Variants in GRM1 observed in about 807,000 individuals in gnomAD.
The protein encoded by GRM1 is glutamate metabotropic receptor 1.
In GRM1, 33 loss-of-function variants were observed where a neutral mutation model predicts 90.9. That is an observed-to-expected ratio of 0.36 (90% CI 0.28 to 0.49). GRM1 has a LOEUF of 0.49. Among genes scored for constraint, GRM1 ranks in the 20% least tolerant of loss-of-function variants. The probability of loss-of-function intolerance (pLI) is 0.99; values close to 1 mark genes in which losing one functional copy is unlikely to be tolerated. For synonymous variants in GRM1, 700 were observed against 613.2 expected (o/e 1.14, Z -2.09); for missense variants, 1,190 against 1,534.3 (o/e 0.78, Z 3.75).
chr6:146,151,824 T>G (rs1211671841), intron 1 of GRM1, among the ~76,000 whole-genome samples: 2 of 152,184 alleles, frequency 1.3e-5, no homozygotes, highest in African/African-American at 4.8e-5. Context: ...TTTAAAGTAC[T>G]TTTATGATTA....
chr6:146,039,978 AAG>A (rs1054376756), intron 1 of GRM1, among the ~76,000 whole-genome samples: 11 of 152,152 alleles, frequency 7.2e-5, no homozygotes, highest in Admixed American at 5.9e-4. Context: ...CCGATCTGGA[AAG>A]AGAGTTATAT....
chr6:146,165,604 C>G (rs1777877864), intron 2 of GRM1, among the ~76,000 whole-genome samples: 1 of 152,086 alleles, frequency 6.6e-6, no homozygotes, highest in African/African-American at 2.4e-5. Flanking sequence ...TCTCAGCTCC[C>G]AAGGGCAGGA....
chr6:146,262,926 T>C (rs528175981), intron 2 of GRM1, among the ~76,000 whole-genome samples: 1 of 152,128 alleles, frequency 6.6e-6, no homozygotes, highest in South Asian at 2.1e-4. Context: ...TTGTCACCTA[T>C]TAAATTATCA....
intron 1 of GRM1, among the ~76,000 whole-genome samples, chr6:146,120,457 A>G (rs1401485569): frequency 3.9e-5 from 6 of 152,168 alleles, no homozygotes; most frequent in African/African-American, 1.4e-4. Flanking sequence ...TGCCCTGGCC[A>G]GAACTTCCAA....
chr6:146,170,945 A>G (rs1219494764), intron 2 of GRM1, among the ~76,000 whole-genome samples: 1 of 151,784 alleles, frequency 6.6e-6, no homozygotes. Flanking sequence ...GTTATTGTTT[A>G]TATTTTTTGT....
At chr6:146,087,499 G>A (rs1351388136) in intron 1 of GRM1, among the ~76,000 whole-genome samples, 3 of 152,052 alleles carry the variant, frequency 2.0e-5, no homozygotes, top group South Asian at 2.1e-4. Flanking sequence ...TTTGTCACAT[G>A]TGTAGATTCA....
intron 2 of GRM1, among the ~76,000 whole-genome samples, chr6:146,259,725 T>C (rs1166747611): frequency 2.6e-5 from 4 of 152,114 alleles, no homozygotes; most frequent in African/African-American, 9.7e-5. Flanking sequence ...GGGTTGTTTC[T>C]ATATCTTGGC....
chr6:146,232,200 C>A (rs1304545893), intron 2 of GRM1, among the ~76,000 whole-genome samples: 1 of 152,058 alleles, frequency 6.6e-6, no homozygotes, highest in African/African-American at 2.4e-5. Context: ...GTGGATTAAG[C>A]AGTGAAAATT....
chr6:146,092,522 T>TC (rs1225811122), intron 1 of GRM1, among the ~76,000 whole-genome samples: 4 of 152,240 alleles, frequency 2.6e-5, no homozygotes, highest in Admixed American at 6.5e-5. Context: ...AGTCTGTCCT[T>TC]CCCTTCATAG....
At chr6:146,277,533 G>A (rs973854002) in intron 2 of GRM1, among the ~76,000 whole-genome samples, 14 of 152,186 alleles carry the variant, frequency 9.2e-5, no homozygotes, top group African/African-American at 3.1e-4. Context: ...AGATTTGAGC[G>A]AGTTCCCCTG....
intron 2 of GRM1, among the ~76,000 whole-genome samples, chr6:146,253,868 G>A (rs1375665968): frequency 2.6e-5 from 4 of 152,084 alleles, no homozygotes. Flanking sequence ...TAAACTTTGA[G>A]TCACAGGGAT....
chr6:146,407,812 G>A (rs181706061), intron 7 of GRM1, among the ~76,000 whole-genome samples: 11 of 152,074 alleles, frequency 7.2e-5, no homozygotes, highest in South Asian at 6.2e-4. Flanking sequence ...TATTATTCAC[G>A]CATTAAATTC....
chr6:146,157,419 C>G (rs375504735), intron 1 of GRM1, among the ~76,000 whole-genome samples: 1 of 152,060 alleles, frequency 6.6e-6, no homozygotes, highest in Non-Finnish European at 1.5e-5. Context: ...ATGCCTATGT[C>G]CAAACTCATC....
In GRM1 at chr6:146,029,283, G is replaced by A. The variant is rs1032229543; in HGVS notation, c.-235G>A. The A allele has an allele frequency of 3.5e-6, 2 of 575,022 alleles. No individual in the cohort carries two copies. The highest frequency in any genetic ancestry group is 3.8e-5 in the African/African-American group (2 of 53,276). The allele number at this position is 575,022 out of a possible 1,614,324, so 35.6% of individuals were successfully genotyped here. Reference sequence around the variant, plus strand: ...CACTACCGGTGAAGAACGGGGACTCGAATTCCCTTACAAACGCCTCCAGCT... The same window carrying A: ...CACTACCGGTGAAGAACGGGGACTCAAATTCCCTTACAAACGCCTCCAGCT... On this transcript the variant is annotated 5_prime_UTR_variant, in exon 1 of 8. Coordinates refer to ENST00000282753, the MANE Select transcript of GRM1 (RefSeq NM_001278064.2).
At chr6:146,401,979 A>G (rs1001761293) in intron 7 of GRM1, among the ~76,000 whole-genome samples, 1 of 152,158 alleles carries the variant, frequency 6.6e-6, no homozygotes, top group Non-Finnish European at 1.5e-5. Context: ...CCACACCTGG[A>G]ACCACTTTCC....
chr6:146,040,570 G>A (rs898632874), intron 1 of GRM1, among the ~76,000 whole-genome samples: 9 of 151,898 alleles, frequency 5.9e-5, no homozygotes, highest in Admixed American at 2.0e-4. Context: ...CTTTTCTTCA[G>A]TGCTTTGTCA....
upstream of GRM1, among the ~76,000 whole-genome samples, chr6:146,028,434 C>G (rs1179202208): frequency 3.3e-5 from 5 of 151,886 alleles, no homozygotes. Flanking sequence ...CTCAGGCTGC[C>G]GCGGCGAGAG....
At chr6:146,308,243 A>G (rs1413433264) in intron 3 of GRM1, among the ~76,000 whole-genome samples, 2 of 152,198 alleles carry the variant, frequency 1.3e-5, no homozygotes, top group African/African-American at 2.4e-5. Context: ...CAGCCGCACG[A>G]CTTGCATGAC....
chr6:146,081,956 G>T (rs1463844072), intron 1 of GRM1, among the ~76,000 whole-genome samples: 1 of 152,186 alleles, frequency 6.6e-6, no homozygotes, highest in African/African-American at 2.4e-5. Context: ...GATTTTGAAG[G>T]TCAGTGGGAT....
Sources: allele counts gnomAD v4.1 joint callset (sites outside exome capture counted in the v4.1 genomes callset), GRCh38; gene constraint gnomAD v4.1.1; transcripts MANE v1.5; gene names NCBI Gene and HGNC (gene_info 2026-07-23, HGNC 2026-07-21).